Variants in PAPLN observed in about 807,000 individuals in gnomAD.
The protein encoded by PAPLN is papilin.
PAPLN carries 146 observed loss-of-function variants against 159.0 expected under a neutral mutation model. That is an observed-to-expected ratio of 0.92 (90% CI 0.80 to 1.05). PAPLN has a LOEUF of 1.05. PAPLN is among the 50% of genes least tolerant of loss of function. The probability of loss-of-function intolerance (pLI) is 0.00; values close to 1 mark genes in which losing one functional copy is unlikely to be tolerated. For synonymous variants in PAPLN, 734 were observed against 702.9 expected (o/e 1.04, Z -0.70); for missense variants, 1,720 against 1,743.9 (o/e 0.99, Z 0.24).
Position 73,265,267 on chromosome 14 carries a change from C to A in PAPLN, c.3126-103C>A. ...GGGGATTTTAGGAAGCTGAATCTGG[C>A]TGGAGAGGGAGAAGGGGCCACCAGG... On this transcript the variant is annotated intron_variant, in intron 22 of 26. Coordinates refer to ENST00000644200, the MANE Select transcript of PAPLN (RefSeq NM_001365906.3). This position sits in a 1 kb window ranked among gnomAD's most constrained non-coding sequence, Gnocchi z 4.1. 2 of 1,497,248 alleles carry A rather than the reference C, an allele frequency of 1.3e-6. No homozygotes were observed. 92.7% of individuals were successfully genotyped at this position (1,497,248 alleles called of 1,614,324 possible).
intron 1 of PAPLN, among the ~76,000 whole-genome samples, chr14:73,239,304 C>A (rs1291280620): frequency 6.6e-6 from 1 of 152,232 alleles, no homozygotes; most frequent in African/African-American, 2.4e-5. Flanking sequence ...AAATGGGCTA[C>A]AATTAACACT....
chr14:73,250,250 CA>C, intron 6 of PAPLN, 136 bp downstream of exon 6: 1 of 1,222,582 alleles, frequency 8.2e-7, no homozygotes, highest in Non-Finnish European at 1.1e-6. Flanking sequence ...ACACCAAGCC[CA>C]GCTCCTAGGG....
In PAPLN at chr14:73,266,076, C is replaced by T. The variant is rs144730058; in HGVS notation, c.3264-425C>T. Among the ~76,000 whole-genome samples, 492 of 152,284 alleles carry T rather than the reference C, an allele frequency of 3.2e-3. 2 individuals carry two copies. Among genetic ancestry groups the T allele is most frequent in the African/African-American group, 9.1e-3 (380 of 41,556 alleles). On this transcript the variant is annotated intron_variant, in intron 23 of 26. Coordinates refer to ENST00000644200, the MANE Select transcript of PAPLN (RefSeq NM_001365906.3). ...ATTTTCGGCCAGTCGCAGTGGCTCA[C>T]GCCTGTAATCCCAGCACTATAGGAG...
At chr14:73,263,823 G>GA in intron 20 of PAPLN, 41 bp downstream of exon 20, 1 of 1,561,858 alleles carries the variant, frequency 6.4e-7, no homozygotes, top group Non-Finnish European at 8.6e-7. Flanking sequence ...AGGTGTGACA[G>GA]CCCCCCTACC....
At chr14:73,262,145 A>C (rs1594819237) in intron 18 of PAPLN, 2 of 542,694 alleles carry the variant, frequency 3.7e-6, no homozygotes, top group African/African-American at 3.8e-5. Context: ...CTGCTGTGGC[A>C]CCAGCCGGGG....
Position 73,265,264 on chromosome 14 carries a change from TG to T in PAPLN, c.3126-104del. 6.7e-7 allele frequency: 1 copy of T among 1,494,826 alleles called. No homozygotes were observed. Among genetic ancestry groups the T allele is most frequent in the Non-Finnish European group, 8.9e-7 (1 of 1,123,918 alleles). 92.6% of individuals were successfully genotyped at this position (1,494,826 alleles called of 1,614,324 possible). On this transcript the variant is annotated intron_variant, in intron 22 of 26. Transcript: ENST00000644200. The surrounding 1 kb of genome is among the most constrained non-coding windows in gnomAD (Gnocchi z 4.1). Reference sequence around the variant, plus strand: ...GCAGGGGATTTTAGGAAGCTGAATCTGGCTGGAGAGGGAGAAGGGGCCACCA... The same window carrying T: ...GCAGGGGATTTTAGGAAGCTGAATCTGCTGGAGAGGGAGAAGGGGCCACCA...
rs34074114 is a variant in PAPLN at position 73,269,295 on chromosome 14, GTT to G, written c.3667+584_3667+585del. On this transcript the variant is annotated intron_variant, in intron 26 of 26. Transcript: ENST00000644200. ...GAGCCCATGTCTTTTGACTCCCCAT[GTT>G]TTTTTTTTTTTACCCCCACGAAATT... Among the ~76,000 whole-genome samples the G allele has an allele frequency of 1.4e-3, 204 of 148,376 alleles. 1 individual carries two copies. Among genetic ancestry groups the G allele is most frequent in the Middle Eastern group, 3.4e-3 (1 of 290 alleles).
rs751409852 is a variant in PAPLN at position 73,259,064 on chromosome 14, G to A, written c.1708+5G>A. The A allele has an allele frequency of 1.9e-6, 3 of 1,609,252 alleles. No individual in the cohort carries two copies. The highest frequency in any genetic ancestry group is 2.5e-6 in the Non-Finnish European group (3 of 1,177,576). On this transcript the variant is annotated splice_donor_5th_base_variant and intron_variant, in intron 15 of 26. Coordinates refer to ENST00000644200, the MANE Select transcript of PAPLN (RefSeq NM_001365906.3). ...CTCAGGAGTCCCCTGCCTCAGGTGA[G>A]AGCCTGGTCCCGTCCCCCACTCAGA...
In PAPLN at chr14:73,264,122, C is replaced by T. The variant is rs1886947832; in HGVS notation, c.2862-89C>T. 9 of 1,599,466 alleles carry T rather than the reference C, an allele frequency of 5.6e-6. No homozygotes were observed. The South Asian group carries it at 9.9e-5, about 18-fold the overall frequency. On this transcript the variant is annotated intron_variant, in intron 20 of 26. Coordinates refer to ENST00000644200, the MANE Select transcript of PAPLN (RefSeq NM_001365906.3). ...GGAGGGTGCTCTGTAGACTCTGGTC[C>T]CCTCTGGCACGAGCACCGAGGCGGA... is the stretch of plus-strand genomic sequence containing the variant.
At chr14:73,258,857 G>T in intron 14 of PAPLN, 122 bp from the exon 15 acceptor site, 1 of 851,246 alleles carries the variant, frequency 1.2e-6, no homozygotes. Context: ...GGGCTGTCTC[G>T]GGTTCCCAGG....
At chr14:73,253,124 C>A in intron 11 of PAPLN, 1 of 1,396,120 alleles carries the variant, frequency 7.2e-7, no homozygotes, top group Non-Finnish European at 9.5e-7. Flanking sequence ...GCCAAAGGGC[C>A]TGTTGGCATC....
chr14:73,249,639 A>C (rs571784027), intron 5 of PAPLN: 1 of 139,688 alleles, frequency 7.2e-6, no homozygotes, highest in Non-Finnish European at 1.5e-5. Flanking sequence ...GTGCCACTGC[A>C]CTCCAGCCTG....
chr14:73,261,818 T>A (rs116552642), intron 18 of PAPLN, among the ~76,000 whole-genome samples: 2,705 of 152,184 alleles, frequency 0.018, 85 homozygotes, highest in African/African-American at 0.061. Context: ...CATGGTCATG[T>A]CTAAATGTGG....
At chr14:73,269,700 G>T (rs1887529572) in intron 26 of PAPLN, among the ~76,000 whole-genome samples, 1 of 152,242 alleles carries the variant, frequency 6.6e-6, no homozygotes, top group Non-Finnish European at 1.5e-5. Flanking sequence ...TGAAGACAGA[G>T]TGGTACCTCG....
rs746791892 is a variant in PAPLN at position 73,258,983 on chromosome 14, C to T, written c.1632C>T (p.Val544=). ...GGACCTCCCGGCTCCCTGCAGAGGTCCCCAGCATGCAGGATGTGCACACCC... is the reference window on the plus strand; with the variant it reads ...GGACCTCCCGGCTCCCTGCAGAGGTTCCCAGCATGCAGGATGTGCACACCC... ...NTQPCHLPQE[V]PSMQDVHTPA... The change falls in exon 15 of 27, where the codon GTC becomes GTT. Residue 544 remains valine, a synonymous_variant. Coordinates refer to ENST00000644200, the MANE Select transcript of PAPLN (RefSeq NM_001365906.3). The T allele has an allele frequency of 3.1e-6, 5 of 1,610,396 alleles. No individual in the cohort carries two copies. Among genetic ancestry groups the T allele is most frequent in the Admixed American group, 1.7e-5 (1 of 59,592 alleles).
Position 73,246,068 on chromosome 14 carries a change from C to G in PAPLN, c.232-5C>G, listed in dbSNP as rs372132091. The G allele has an allele frequency of 5.2e-6, 8 of 1,538,064 alleles. No individual in the cohort carries two copies. Among genetic ancestry groups the G allele is most frequent in the Non-Finnish European group, 6.1e-6 (7 of 1,146,452 alleles). ...CTGGATCCCGACTTCCCCTCCGCCCCGCAGAGCTGCCCCGACGGCGCCCGG... is the reference window on the plus strand; with the variant it reads ...CTGGATCCCGACTTCCCCTCCGCCCGGCAGAGCTGCCCCGACGGCGCCCGG... On this transcript the variant is annotated splice_polypyrimidine_tract_variant and splice_region_variant and intron_variant, in intron 4 of 26. Coordinates refer to ENST00000644200, the MANE Select transcript of PAPLN (RefSeq NM_001365906.3).
At position 73,274,525 on chromosome 14, in the gene PAPLN, T is replaced by A. The variant is rs1887989211; in HGVS notation, c.*1861T>A. On this transcript the variant is annotated 3_prime_UTR_variant, in exon 27 of 27. Transcript: ENST00000644200. ...GGAAATGTGGGCTGGGGCAGAGGTC[T>A]TTTTTCATTTAATACTGGAAAAATA... 6.6e-6 allele frequency: 1 copy of A among 152,206 alleles called. No homozygotes were observed. Among genetic ancestry groups the A allele is most frequent in the African/African-American group, 2.4e-5 (1 of 41,450 alleles). The allele number at this position is 152,206 out of a possible 1,614,324, so 9.4% of individuals were successfully genotyped here.
Position 73,245,196 on chromosome 14 carries a change from T to G in PAPLN, c.170+437T>G. 4.8e-6 allele frequency: 1 copy of G among 208,250 alleles called. No individual in the cohort carries two copies. The highest frequency in any genetic ancestry group is 9.8e-6 in the Non-Finnish European group (1 of 101,868). 12.9% of individuals were successfully genotyped at this position (208,250 alleles called of 1,614,324 possible). On this transcript the variant is annotated intron_variant, in intron 3 of 26. Transcript: ENST00000644200. The surrounding 1 kb of genome is among the most constrained non-coding windows in gnomAD (Gnocchi z 4.2). ...TGGAGAAGGTGGGGCACAGAAGGAGTAGTGAGGTGCCTCTGTCCCGGTTTG... is the reference window on the plus strand; with the variant it reads ...TGGAGAAGGTGGGGCACAGAAGGAGGAGTGAGGTGCCTCTGTCCCGGTTTG...
intron 16 of PAPLN, 34 bp downstream of exon 16, chr14:73,259,579 G>T (rs572674224): frequency 6.8e-7 from 1 of 1,468,268 alleles, no homozygotes; most frequent in Admixed American, 2.5e-5. Flanking sequence ...CTCCTCCCCC[G>T]TCAAAGAGGG....
Sources: gnomAD v4.1 joint callset for allele counts (sites outside exome capture counted in the v4.1 genomes callset) on GRCh38, gnomAD v4.1.1 for gene constraint, Gnocchi (gnomAD v3.1) non-coding constraint, MANE v1.5 for transcripts, NCBI Gene and HGNC (gene_info 2026-07-23, HGNC 2026-07-21) for gene names.